OPCML: variants seen among roughly 807,000 people sequenced by gnomAD.
The protein encoded by OPCML is opioid-binding protein/cell adhesion molecule.
In OPCML, 13 loss-of-function variants were observed where a neutral mutation model predicts 37.8. That is an observed-to-expected ratio of 0.34 (90% confidence interval 0.22 to 0.55). The LOEUF (loss-of-function observed/expected upper bound fraction) is 0.55. Ranked by LOEUF, OPCML falls within the 20% of genes least tolerant of loss-of-function variation. The pLI, the probability that OPCML is intolerant of heterozygous loss-of-function variation, is 0.91. For missense variants in OPCML, 341 were observed against 435.6 expected, an observed-to-expected ratio of 0.78 and a Z score of 1.93; for synonymous variants, 176 against 168.8, an observed-to-expected ratio of 1.04 and a Z score of -0.33.
intron 3 of OPCML, among the ~76,000 whole-genome samples, chr11:132,600,606 G>A (rs1010893791): frequency 6.6e-6 from 1 of 152,162 alleles, no homozygotes; most frequent in Non-Finnish European, 1.5e-5. Context: ...CTGCAACCCT[G>A]ATATATGACG....
At chr11:132,887,557 C>G (rs983130872) in intron 2 of OPCML, among the ~76,000 whole-genome samples, 2 of 152,170 alleles carry the variant, frequency 1.3e-5, no homozygotes, top group African/African-American at 4.8e-5. Flanking sequence ...GCCCGGCCAC[C>G]TAGTACAATA....
chr11:132,867,335 A>C (rs913270892), intron 2 of OPCML, among the ~76,000 whole-genome samples: 1 of 152,212 alleles, frequency 6.6e-6, no homozygotes, highest in African/African-American at 2.4e-5. Flanking sequence ...TCAGGCACTA[A>C]AATGCAATAG....
At chr11:132,555,326 G>A (rs566716162) in intron 3 of OPCML, among the ~76,000 whole-genome samples, 6 of 152,168 alleles carry the variant, frequency 3.9e-5, no homozygotes, top group East Asian at 1.9e-4. Flanking sequence ...CATCTTACAC[G>A]GCAGCAGGTG....
chr11:132,986,857 T>C (rs1258068368), intron 1 of OPCML, among the ~76,000 whole-genome samples: 1 of 152,162 alleles, frequency 6.6e-6, no homozygotes, highest in Non-Finnish European at 1.5e-5. Flanking sequence ...AAATTAAGCA[T>C]ATCTACAGAA....
At chr11:133,375,742 A>C (rs4514427) in intron 1 of OPCML, among the ~76,000 whole-genome samples, 49,508 of 151,920 alleles carry the variant, frequency 0.33, 9,862 homozygotes, top group African/African-American at 0.57. Flanking sequence ...GTCTCTATTA[A>C]CTAGTTCTCT....
chr11:132,946,269 C>T (rs956822521), intron 1 of OPCML, among the ~76,000 whole-genome samples: 1 of 152,178 alleles, frequency 6.6e-6, no homozygotes, highest in African/African-American at 2.4e-5. Flanking sequence ...CTTCTAAATC[C>T]CTCCTGAAGG....
Position 133,205,677 on chromosome 11 carries a change from G to A in OPCML, c.62-262667C>T, listed in dbSNP as rs542505570. 5.3e-4 allele frequency among the ~76,000 whole-genome samples: 80 copies of A among 152,320 alleles called. 1 individual carries two copies. Among genetic ancestry groups the A allele is most frequent in the Middle Eastern group, 3.4e-3 (1 of 294 alleles). The stretch of plus-strand genomic sequence containing the variant: ...TCTGATGTCAGAAGTGTTGCGTTGC[G>A]TGAGACAAGAGAGTAGGAAAAACAT... On this transcript the variant is annotated intron_variant, in intron 1 of 7. Coordinates refer to ENST00000524381, the MANE Select transcript of OPCML (RefSeq NM_001012393.5). This position sits in a 1 kb window ranked among gnomAD's most constrained non-coding sequence, Gnocchi z 4.8.
chr11:133,276,249 T>C (rs1171192458), intron 1 of OPCML, among the ~76,000 whole-genome samples: 1 of 152,158 alleles, frequency 6.6e-6, no homozygotes, highest in Non-Finnish European at 1.5e-5. Flanking sequence ...CCTAAGCATA[T>C]TTACAGGTAG....
At chr11:132,611,476 G>A (rs1329296953) in intron 3 of OPCML, among the ~76,000 whole-genome samples, 2 of 152,040 alleles carry the variant, frequency 1.3e-5, no homozygotes, top group African/African-American at 4.8e-5. Flanking sequence ...CTCCCAACAT[G>A]GATAGTTAAT....
At chr11:132,730,077 G>T (rs569525889) in intron 2 of OPCML, among the ~76,000 whole-genome samples, 2 of 131,646 alleles carry the variant, frequency 1.5e-5, no homozygotes, top group East Asian at 2.2e-4. Context: ...ACAGTGGCAC[G>T]ATCTCAGCTC....
chr11:133,342,711 C>G (rs998929878), intron 1 of OPCML, among the ~76,000 whole-genome samples: 1 of 152,156 alleles, frequency 6.6e-6, no homozygotes, highest in African/African-American at 2.4e-5. Flanking sequence ...ACAGAAGACT[C>G]AGGTGGAGTC....
chr11:132,832,831 A>T (rs936709479), intron 2 of OPCML, among the ~76,000 whole-genome samples: 2 of 152,256 alleles, frequency 1.3e-5, no homozygotes, highest in Non-Finnish European at 2.9e-5. Context: ...CACGTAACTG[A>T]ATATTACAGG....
At chr11:133,150,445 C>T (rs1490273952) in intron 1 of OPCML, among the ~76,000 whole-genome samples, 1 of 152,182 alleles carries the variant, frequency 6.6e-6, no homozygotes, top group Non-Finnish European at 1.5e-5. Context: ...ACTCTGAACC[C>T]TCTGTTTTCA....
chr11:133,361,384 C>G (rs1382432674), intron 1 of OPCML: 2 of 152,504 alleles, frequency 1.3e-5, no homozygotes, highest in African/African-American at 4.8e-5. Flanking sequence ...GGGGCCAGCC[C>G]AACGTCGGGG....
chr11:133,098,930 T>C (rs1555093089), intron 1 of OPCML, among the ~76,000 whole-genome samples: 1 of 152,064 alleles, frequency 6.6e-6, no homozygotes, highest in Non-Finnish European at 1.5e-5. Flanking sequence ...TACAGAAGAA[T>C]CAACAACAAC....
chr11:133,003,796 C>T, intron 1 of OPCML: 1 of 985,424 alleles, frequency 1.0e-6, no homozygotes, highest in Non-Finnish European at 1.2e-6. Flanking sequence ...GTTCTTTGTG[C>T]TGGGCCCAAC....
intron 1 of OPCML, among the ~76,000 whole-genome samples, chr11:133,517,988 C>T (rs935584130): frequency 3.9e-5 from 6 of 152,176 alleles, no homozygotes; most frequent in African/African-American, 1.4e-4. Context: ...TTCTCTAGCA[C>T]TGCCAGTTCC....
intron 1 of OPCML, among the ~76,000 whole-genome samples, chr11:132,976,845 G>A (rs906972402): frequency 2.0e-4 from 31 of 152,176 alleles, no homozygotes; most frequent in African/African-American, 7.2e-4. Flanking sequence ...CCAAATATGT[G>A]AATGAGTGAT....
At chr11:133,465,842 G>T (rs1023607812) in intron 1 of OPCML, among the ~76,000 whole-genome samples, 5 of 152,058 alleles carry the variant, frequency 3.3e-5, no homozygotes, top group African/African-American at 1.2e-4. Flanking sequence ...GCCAACAAAT[G>T]GCAGTTATCA....
Sources: gnomAD v4.1 joint callset for allele counts (sites outside exome capture counted in the v4.1 genomes callset) on GRCh38, gnomAD v4.1.1 for gene constraint, Gnocchi (gnomAD v3.1) non-coding constraint, MANE v1.5 for transcripts, NCBI Gene and HGNC (gene_info 2026-07-23, HGNC 2026-07-21) for gene names.